PALM2AKAP2: variants seen among roughly 807,000 people sequenced by gnomAD.
The protein encoded by PALM2AKAP2 is PALM2-AKAP2 fusion protein.
Under a neutral mutation model 71.5 loss-of-function variants are expected in PALM2AKAP2, and 37 were observed. That is an observed-to-expected ratio of 0.52 (90% CI 0.40 to 0.68). The LOEUF (loss-of-function observed/expected upper bound fraction) is 0.68. Among genes scored for constraint, PALM2AKAP2 ranks in the 30% least tolerant of loss-of-function variants. The pLI is 0.00. For missense variants in PALM2AKAP2, 1,224 were observed against 1,191.8 expected (o/e 1.03, Z -0.40); for synonymous variants, 468 against 478.8 (o/e 0.98, Z 0.29).
intron 6 of PALM2AKAP2, among the ~76,000 whole-genome samples, chr9:109,933,432 C>T (rs908680055): frequency 2.0e-5 from 3 of 152,316 alleles, no homozygotes; most frequent in African/African-American, 7.2e-5. Context: ...CAAGTTCCTG[C>T]ACTTCAAAGG....
At chr9:109,730,907 A>G (rs974702439) in intron 1 of PALM2AKAP2, among the ~76,000 whole-genome samples, 7 of 149,952 alleles carry the variant, frequency 4.7e-5, no homozygotes, top group African/African-American at 9.8e-5. Context: ...TGCCAGTGGA[A>G]AAAAAAAAAG....
At chr9:109,853,859 T>C (rs1829084589) in intron 1 of PALM2AKAP2, among the ~76,000 whole-genome samples, 1 of 152,200 alleles carries the variant, frequency 6.6e-6, no homozygotes. Context: ...GCTCTGCTGT[T>C]TGGGGCTTGG....
At chr9:109,844,950 T>TGTGTGTGTGTGTGTGC (rs1400860934) in intron 1 of PALM2AKAP2, among the ~76,000 whole-genome samples, 1 of 151,924 alleles carries the variant, frequency 6.6e-6, no homozygotes, top group African/African-American at 2.4e-5. Flanking sequence ...TGTGTGTGTG[T>TGTGTGTGTGTGTGTGC]GTGTGTGTGC....
intron 1 of PALM2AKAP2, among the ~76,000 whole-genome samples, chr9:109,688,542 G>A (rs531793471): frequency 6.6e-6 from 1 of 152,318 alleles, no homozygotes; most frequent in East Asian, 1.9e-4. Flanking sequence ...TGCTGCTCAG[G>A]CCCATATTTG....
At chr9:110,070,045 C>T (rs1383048017) in intron 1 of PALM2AKAP2, among the ~76,000 whole-genome samples, 1 of 152,176 alleles carries the variant, frequency 6.6e-6, no homozygotes, top group East Asian at 1.9e-4. Context: ...GCCATCCCCA[C>T]TGGAGGGGCA....
upstream of PALM2AKAP2, among the ~76,000 whole-genome samples, chr9:109,779,512 T>C (rs192017065): frequency 6.6e-6 from 1 of 152,046 alleles, no homozygotes; most frequent in East Asian, 1.9e-4. Flanking sequence ...TAATGACACC[T>C]ATGTGATCCT....
chr9:109,848,766 AC>A (rs1247414881), intron 1 of PALM2AKAP2, among the ~76,000 whole-genome samples: 1 of 136,018 alleles, frequency 7.4e-6, no homozygotes, highest in African/African-American at 2.9e-5. Context: ...ACATGATGAT[AC>A]CCCATCTCTA....
At chr9:109,746,213 C>T (rs1384015647) in intron 1 of PALM2AKAP2, among the ~76,000 whole-genome samples, 1 of 152,192 alleles carries the variant, frequency 6.6e-6, no homozygotes, top group Non-Finnish European at 1.5e-5. Context: ...ATCCACTGTG[C>T]TCTTGGTCCC....
At chr9:109,842,244 A>G (rs190063397) in intron 1 of PALM2AKAP2, among the ~76,000 whole-genome samples, 42 of 152,246 alleles carry the variant, frequency 2.8e-4, no homozygotes, top group African/African-American at 9.9e-4. Context: ...TGTGAGTAGA[A>G]AGTCTTAGCA....
intron 2 of PALM2AKAP2, among the ~76,000 whole-genome samples, chr9:110,149,532 C>T (rs1836259702): frequency 6.6e-6 from 1 of 152,232 alleles, no homozygotes; most frequent in African/African-American, 2.4e-5. Flanking sequence ...ATCCTACTCC[C>T]CCAGGAATAA....
At chr9:109,793,680 C>A (rs911884077) in intron 1 of PALM2AKAP2, among the ~76,000 whole-genome samples, 8 of 152,312 alleles carry the variant, frequency 5.3e-5, no homozygotes, top group Admixed American at 5.2e-4. Context: ...CAGGGACCAG[C>A]AAACAATAGC....
At chr9:109,718,648 C>T (rs1828363867) in intron 1 of PALM2AKAP2, among the ~76,000 whole-genome samples, 1 of 151,276 alleles carries the variant, frequency 6.6e-6, no homozygotes, top group African/African-American at 2.4e-5. Context: ...TCTCATATGC[C>T]CCTTGCCTAG....
chr9:109,956,374 A>G (rs1831748458), intron 6 of PALM2AKAP2, among the ~76,000 whole-genome samples: 1 of 152,236 alleles, frequency 6.6e-6, no homozygotes, highest in Admixed American at 6.5e-5. Flanking sequence ...GTCACTGAAT[A>G]TTAAAAACAC....
intron 7 of PALM2AKAP2, among the ~76,000 whole-genome samples, chr9:110,040,277 T>G (rs1264939735): frequency 6.6e-6 from 1 of 152,210 alleles, no homozygotes; most frequent in Non-Finnish European, 1.5e-5. Flanking sequence ...TCTTAACACC[T>G]TATAATCGTA....
rs370739252 is a variant in PALM2AKAP2, at chr9:110,136,967, C to T, written c.997C>T (p.Pro333Ser). 4.3e-6 allele frequency: 7 copies of T among 1,613,968 alleles called. No homozygotes were observed. In the African/African-American group the frequency reaches 8.0e-5, roughly 18 times the overall value. ...TGGCATTGCAGCAAAATGGTGGAAT[C>T]CCCCGCAGGAAAAAACCATCGAGGA... Residue 333 changes from proline (P) to serine (S), a missense_variant, in exon 2 of 4, where the codon CCC becomes TCC. Physicochemically the swap from Pro to Ser is moderately conservative, Grantham distance 74. Transcript: ENST00000374525.
upstream of PALM2AKAP2, among the ~76,000 whole-genome samples, chr9:110,043,753 A>C (rs1431563985): frequency 4.4e-5 from 5 of 114,176 alleles, no homozygotes; most frequent in Non-Finnish European, 8.1e-5. Flanking sequence ...ACAGTCTCTC[A>C]CTCTGTCACC....
At chr9:109,933,363 G>A (rs1338751619) in intron 6 of PALM2AKAP2, among the ~76,000 whole-genome samples, 1 of 152,228 alleles carries the variant, frequency 6.6e-6, no homozygotes, top group Non-Finnish European at 1.5e-5. Flanking sequence ...GGTTATTAGA[G>A]ACATGGGTGT....
intron 3 of PALM2AKAP2, among the ~76,000 whole-genome samples, chr9:109,912,034 T>C (rs1040124070): frequency 1.3e-5 from 2 of 152,170 alleles, no homozygotes; most frequent in South Asian, 2.1e-4. Context: ...GCTTTTATTA[T>C]GATATCTGTT....
At chr9:109,874,351 A>G (rs908296465) in intron 2 of PALM2AKAP2, among the ~76,000 whole-genome samples, 6 of 152,232 alleles carry the variant, frequency 3.9e-5, no homozygotes, top group South Asian at 2.1e-4. Context: ...TTCTTGGGTG[A>G]TCTTACACAG....
Sources: gnomAD v4.1 joint callset for allele counts (sites outside exome capture counted in the v4.1 genomes callset) on GRCh38, gnomAD v4.1.1 for gene constraint, MANE v1.5 for transcripts, NCBI Gene and HGNC (gene_info 2026-07-23, HGNC 2026-07-21) for gene names.